The following TERF2 variants were observed in gnomAD, a reference collection of about 807,000 sequenced individuals.
TERF2 encodes the protein telomeric repeat-binding factor 2.
In TERF2, 16 loss-of-function variants were observed where a neutral mutation model predicts 56.1. The ratio of observed to expected loss-of-function variants is 0.29; its 90% CI spans 0.19 to 0.43. The LOEUF is 0.43. Among genes scored for constraint, TERF2 ranks in the 20% least tolerant of loss-of-function variants. The pLI, the probability that TERF2 is intolerant of heterozygous loss-of-function variation, is 1.00. For missense variants in TERF2, 547 were observed against 712.9 expected (o/e 0.77, Z 2.65); for synonymous variants, 296 against 282.1 (o/e 1.05, Z -0.50).
intron 3 of TERF2, among the ~76,000 whole-genome samples, chr16:69,380,772 G>T (rs1309869907): frequency 6.6e-6 from 1 of 150,714 alleles, no homozygotes; most frequent in Non-Finnish European, 1.5e-5. Flanking sequence ...ACTGAGTTAT[G>T]AAGATCTTCA....
Position 69,355,638 on chromosome 16 carries a change from A to G in TERF2, c.*1260T>C, listed in dbSNP as rs1320686291. 1 of 152,704 alleles carries G rather than the reference A, an allele frequency of 6.5e-6. No individual in the cohort carries two copies. Among genetic ancestry groups the G allele is most frequent in the East Asian group, 1.9e-4 (1 of 5,200 alleles). The allele number at this position is 152,704 out of a possible 1,614,324, so 9.5% of individuals were successfully genotyped here. On this transcript the variant is annotated 3_prime_UTR_variant, in exon 10 of 10. Transcript: ENST00000254942. ...TAATTAGTTCTCACCTTTTAAAAAA[A>G]GATTACAGAAAACACTTTACTGAAA...
At chr16:69,370,388 T>G (rs1327086388) in intron 5 of TERF2, 95 bp downstream of exon 5, 6 of 1,501,476 alleles carry the variant, frequency 4.0e-6, no homozygotes, top group Non-Finnish European at 5.4e-6. Context: ...ATTCAATGTC[T>G]TTTTCACACA....
At chr16:69,380,186 T>C (rs2013943188) in intron 3 of TERF2, among the ~76,000 whole-genome samples, 1 of 152,110 alleles carries the variant, frequency 6.6e-6, no homozygotes, top group South Asian at 2.1e-4. Flanking sequence ...GTGCTGAGAT[T>C]ACAGGTGTGA....
rs1283473888 is a variant in TERF2 at position 69,385,492 on chromosome 16, A to C, written c.380-6T>G. ...CAAGGGCCTGACAAGCAAAGCTGGG[A>C]GAGAAGACATCGTTGGCTGGGCGAC... On this transcript the variant is annotated splice_region_variant and splice_polypyrimidine_tract_variant and intron_variant, in intron 1 of 9. Transcript: ENST00000254942. 1 of 1,613,986 alleles carries C rather than the reference A, an allele frequency of 6.2e-7. No individual in the cohort carries two copies. The highest frequency in any genetic ancestry group is 2.2e-5 in the East Asian group (1 of 44,872).
chr16:69,359,417 A>G (rs1226848127), intron 8 of TERF2, among the ~76,000 whole-genome samples: 1 of 150,828 alleles, frequency 6.6e-6, no homozygotes, highest in Non-Finnish European at 1.5e-5. Context: ...AGTCCCAACT[A>G]CTCGGGAGGT....
rs977420043 is a variant in TERF2 at position 69,385,723 on chromosome 16, G to A, written c.249C>T (p.Arg83=). Residue 83 remains arginine, a synonymous_variant, in exon 1 of 10, where the codon CGC becomes CGT. Transcript: ENST00000254942. ...HEPGLGGPAE[R]GAGEARLEEA... ...CTTCCAGCCGTGCCTCCCCCGCGCC[G>A]CGCTCCGCCGGGCCCCCCAGCCCCG... The A allele has an allele frequency of 6.4e-7, 1 of 1,570,824 alleles. No homozygotes were observed. Among genetic ancestry groups the A allele is most frequent in the Non-Finnish European group, 8.6e-7 (1 of 1,162,268 alleles).
At chr16:69,360,333 C>T (rs546946562) in intron 8 of TERF2, among the ~76,000 whole-genome samples, 12 of 150,964 alleles carry the variant, frequency 7.9e-5, no homozygotes, top group Admixed American at 2.6e-4. Flanking sequence ...TGCAGTGAGC[C>T]GAGATCGCAC....
Position 69,385,917 on chromosome 16 carries a change from C to G in TERF2, c.55G>C (p.Asp19His), listed in dbSNP as rs998415453. 7.2e-7 allele frequency: 1 copy of G among 1,390,882 alleles called. No individual in the cohort carries two copies. Among genetic ancestry groups the G allele is most frequent in the Non-Finnish European group, 9.3e-7 (1 of 1,071,818 alleles). The allele number at this position is 1,390,882 out of a possible 1,614,324, so 86.2% of individuals were successfully genotyped here. The change falls in exon 1 of 10, where the codon GAC becomes CAC. Residue 19 changes from aspartate (D) to histidine (H), a missense_variant. Physicochemically the swap from Asp to His is moderately conservative, Grantham distance 81. Transcript: ENST00000254942. The part of the protein sequence containing the change: ...GPASGPGVVR[D>H]PAASQPRKRP... The stretch of plus-strand genomic sequence containing the variant: ...TTCCTCGGCTGTGACGCCGCTGGGT[C>G]ACGCACGACGCCCGGGCCGGAAGCG...
Position 69,368,434 on chromosome 16 carries a change from T to C in TERF2, c.889A>G (p.Lys297Glu). The part of the protein sequence containing the change: ...KSESAASSTG[K>E]EDKQPAPGPV... ...CCTGGTGCTGGCTGTTTATCTTCCT[T>C]CCCTGTACTTGAGGCAGCGGACTCA... The change falls in exon 6 of 10, where the codon AAG becomes GAG. Residue 297 changes from lysine to glutamate, a missense_variant. By Grantham distance (56) the Lys-to-Glu change is moderately conservative. Transcript: ENST00000254942. The C allele has an allele frequency of 1.9e-6, 3 of 1,614,160 alleles. No homozygotes were observed. Among genetic ancestry groups the C allele is most frequent in the Non-Finnish European group, 2.5e-6 (3 of 1,180,028 alleles).
rs1049332277 is a variant in TERF2 at position 69,384,468 on chromosome 16, A to G, written c.606+112T>C. On this transcript the variant is annotated intron_variant, in intron 3 of 9. Coordinates refer to ENST00000254942, the MANE Select transcript of TERF2 (RefSeq NM_005652.5). Reference sequence around the variant, plus strand: ...GTGTGTGTGCTTTCTTGCTTGCTCAATCTCTCCCCATTGCTGTTTTCCTCT... The same window carrying G: ...GTGTGTGTGCTTTCTTGCTTGCTCAGTCTCTCCCCATTGCTGTTTTCCTCT... The G allele has an allele frequency of 3.2e-4, 368 of 1,140,916 alleles. 2 individuals are homozygous for G. The highest frequency in any genetic ancestry group is 2.1e-4 in the East Asian group (8 of 37,840). The allele number at this position is 1,140,916 out of a possible 1,614,324, so 70.7% of individuals were successfully genotyped here.
At chr16:69,358,849 C>G (rs1323299802) in intron 8 of TERF2, among the ~76,000 whole-genome samples, 7 of 152,160 alleles carry the variant, frequency 4.6e-5, no homozygotes, top group Non-Finnish European at 1.0e-4. Context: ...AGTCCTAATC[C>G]CCTTAATCTT....
chr16:69,366,696 G>T, intron 7 of TERF2, 111 bp downstream of exon 7: 1 of 1,370,650 alleles, frequency 7.3e-7, no homozygotes. Context: ...GTCTGAGCAA[G>T]CCTTGGTGGT....
chr16:69,357,579 T>C lies in TERF2; in HGVS notation c.1427-18A>G. 1.2e-6 allele frequency: 2 copies of C among 1,612,752 alleles called. No individual in the cohort carries two copies. Among genetic ancestry groups the C allele is most frequent in the East Asian group, 4.5e-5 (2 of 44,836 alleles). ...TGGTGCTGCTGGAAAACATTAAAAGTAGACTCATTTCAGAGTTCACCTTTC... is the reference window on the plus strand; with the variant it reads ...TGGTGCTGCTGGAAAACATTAAAAGCAGACTCATTTCAGAGTTCACCTTTC... On this transcript the variant is annotated intron_variant, in intron 8 of 9. Coordinates refer to ENST00000254942, the MANE Select transcript of TERF2 (RefSeq NM_005652.5).
intron 3 of TERF2, among the ~76,000 whole-genome samples, chr16:69,381,480 T>TA (rs2013998025): frequency 7.2e-6 from 1 of 139,830 alleles, no homozygotes; most frequent in African/African-American, 2.7e-5. Flanking sequence ...CTTCCTCTTA[T>TA]TTTTTTTTTT....
At position 69,385,880 on chromosome 16, in the gene TERF2, CG is replaced by C; in HGVS notation, c.91del (p.Arg31GlyfsTer128). ...TCGCCGCGCGCCCTCCCCGCCCTCCCGGCCGGGCCGCTTCCTCGGCTGTGAC... is the reference window on the plus strand; with the variant it reads ...TCGCCGCGCGCCCTCCCCGCCCTCCCGCCGGGCCGCTTCCTCGGCTGTGAC... ...AASQPRKRPG[R>X]EGGEGARRSD... On this transcript the variant is annotated frameshift_variant, in exon 1 of 10. Coordinates refer to ENST00000254942, the MANE Select transcript of TERF2 (RefSeq NM_005652.5). LOFTEE classifies it high-confidence loss of function. The C allele has an allele frequency of 7.3e-7, 1 of 1,372,672 alleles. No homozygotes were observed. The highest frequency in any genetic ancestry group is 1.6e-5 in the South Asian group (1 of 60,766). The allele number at this position is 1,372,672 out of a possible 1,614,324, so 85.0% of individuals were successfully genotyped here.
intron 2 of TERF2, 59 bp from the exon 3 acceptor site, chr16:69,384,769 C>A: frequency 6.9e-7 from 1 of 1,445,874 alleles, no homozygotes; most frequent in Non-Finnish European, 9.3e-7. Context: ...AAAGTTATGT[C>A]CAAAAATTAT....
chr16:69,368,593 A>G (rs1411684226), intron 5 of TERF2, 111 bp from the exon 6 acceptor site: 9 of 1,552,078 alleles, frequency 5.8e-6, no homozygotes, highest in Non-Finnish European at 7.8e-6. Context: ...TTACAAATCC[A>G]ATCTAGGCAT....
Position 69,356,319 on chromosome 16 carries a change from A to C in TERF2, c.*579T>G. 2.5e-6 allele frequency: 1 copy of C among 397,484 alleles called. No individual in the cohort carries two copies. Among genetic ancestry groups the C allele is most frequent in the South Asian group, 1.8e-5 (1 of 54,222 alleles). The allele number at this position is 397,484 out of a possible 1,614,324, so 24.6% of individuals were successfully genotyped here. ...GGGATTTAAATTTAAGCAAACCACT[A>C]AAGAAGGGAAACGCTAATGATATTC... On this transcript the variant is annotated 3_prime_UTR_variant, in exon 10 of 10. Coordinates refer to ENST00000254942, the MANE Select transcript of TERF2 (RefSeq NM_005652.5).
intron 7 of TERF2, among the ~76,000 whole-genome samples, chr16:69,363,371 C>T (rs1007269356): frequency 1.5e-4 from 23 of 152,164 alleles, no homozygotes; most frequent in African/African-American, 5.6e-4. Flanking sequence ...ATTACCTGTA[C>T]AAATACATGC....
Sources: gnomAD v4.1 joint callset for allele counts (sites outside exome capture counted in the v4.1 genomes callset) on GRCh38, gnomAD v4.1.1 for gene constraint, MANE v1.5 for transcripts, NCBI Gene and HGNC (gene_info 2026-07-23, HGNC 2026-07-21) for gene names.